KLF13: variants seen among roughly 807,000 people sequenced by gnomAD.
KLF13 encodes the protein KLF transcription factor 13.
A neutral mutation model predicts 16.7 loss-of-function variants in KLF13; 8 were observed. That is an observed-to-expected ratio of 0.48 (90% CI 0.28 to 0.87). KLF13 has a LOEUF of 0.87. KLF13 is among the 40% of genes least tolerant of loss of function. KLF13 has a pLI of 0.10. For synonymous variants in KLF13, 245 were observed against 208.4 expected (o/e 1.18, Z -1.51); for missense variants, 447 against 452.2 (o/e 0.99, Z 0.10).
At chr15:31,387,606 C>G (rs1201139600) in intron 1 of KLF13, among the ~76,000 whole-genome samples, 1 of 152,184 alleles carries the variant, frequency 6.6e-6, no homozygotes, top group Non-Finnish European at 1.5e-5. Context: ...TCTTTGAGGT[C>G]TGCCTGTACG....
Position 31,327,477 on chromosome 15 carries a change from GC to G in KLF13, c.268del (p.Arg90GlyfsTer99). 1 of 1,205,302 alleles carries G rather than the reference GC, an allele frequency of 8.3e-7. No homozygotes were observed. Among genetic ancestry groups the G allele is most frequent in the South Asian group, 3.2e-5 (1 of 31,216 alleles). 74.7% of individuals were successfully genotyped at this position (1,205,302 alleles called of 1,614,324 possible). Reference protein sequence around the residue: ...APAERREGAAARKARTPCRLP... With the variant: ...APAERREGAAXRKARTPCRLP... ...GGCGGAGCGCAGGGAGGGCGCCGCG[GC>G]CCGGAAGGCGAGGACCCCCTGCCGC... On this transcript the variant is annotated frameshift_variant, in exon 1 of 2. Transcript: ENST00000307145. LOFTEE classifies it high-confidence loss of function.
chr15:31,419,395 C>G (rs760802393), intron 1 of KLF13, among the ~76,000 whole-genome samples: 3 of 152,006 alleles, frequency 2.0e-5, no homozygotes. Flanking sequence ...TACAAGAGTA[C>G]ACAGATAGAC....
At chr15:31,384,514 T>C (rs893837638) in intron 1 of KLF13, among the ~76,000 whole-genome samples, 2 of 152,226 alleles carry the variant, frequency 1.3e-5, no homozygotes, top group Non-Finnish European at 2.9e-5. Flanking sequence ...TTTTATTTAC[T>C]TATTTTTGTA....
intron 2 of KLF13, among the ~76,000 whole-genome samples, chr15:31,398,031 G>A (rs917668082): frequency 1.3e-5 from 2 of 152,146 alleles, no homozygotes; most frequent in Admixed American, 1.3e-4. Flanking sequence ...TACGCAGTCC[G>A]GGGCCAGTAA....
chr15:31,355,848 C>A (rs1334811891), intron 1 of KLF13, among the ~76,000 whole-genome samples: 1 of 151,934 alleles, frequency 6.6e-6, no homozygotes, highest in African/African-American at 2.4e-5. Flanking sequence ...CATTTGTCCC[C>A]ACACACCCAG....
downstream of KLF13, among the ~76,000 whole-genome samples, chr15:31,381,710 A>C (rs1369599890): frequency 6.6e-6 from 1 of 152,258 alleles, no homozygotes; most frequent in Non-Finnish European, 1.5e-5. Context: ...AGTTGAATTA[A>C]ACTGGACTGA....
downstream of KLF13, among the ~76,000 whole-genome samples, chr15:31,379,046 G>A (rs1383756620): frequency 6.6e-6 from 1 of 152,154 alleles, no homozygotes; most frequent in Non-Finnish European, 1.5e-5. Context: ...TAGGGTAAAT[G>A]AAAACCACCA....
chr15:31,405,406 G>A (rs1003110536), downstream of KLF13, among the ~76,000 whole-genome samples: 24 of 152,196 alleles, frequency 1.6e-4, 1 homozygote, highest in East Asian at 5.8e-4. Context: ...TGCGGTCTAC[G>A]AACCAGGAAG....
At chr15:31,401,329 C>T (rs1317929602) in intron 2 of KLF13, among the ~76,000 whole-genome samples, 2 of 152,226 alleles carry the variant, frequency 1.3e-5, no homozygotes, top group African/African-American at 2.4e-5. Context: ...TGCAAAGTTA[C>T]GCTCTTTTCA....
intron 1 of KLF13, among the ~76,000 whole-genome samples, chr15:31,386,198 TAAAG>T (rs1021303551): frequency 2.6e-5 from 4 of 152,288 alleles, no homozygotes; most frequent in Admixed American, 6.5e-5. Flanking sequence ...TCATGAGGTT[TAAAG>T]AAAGAAAGTA....
chr15:31,410,582 AACACACAC>A (rs71110871), intron 1 of KLF13, among the ~76,000 whole-genome samples: 8,750 of 146,824 alleles, frequency 0.06, 282 homozygotes, highest in Middle Eastern at 0.075. Flanking sequence ...AACACCAACC[AACACACAC>A]ACACACACAC....
At chr15:31,356,572 C>A (rs1360028269) in intron 1 of KLF13, among the ~76,000 whole-genome samples, 1 of 152,192 alleles carries the variant, frequency 6.6e-6, no homozygotes. Context: ...TGAGAACATG[C>A]AGTGTTTGGT....
At chr15:31,402,865 A>G (rs1023523097) in intron 2 of KLF13, among the ~76,000 whole-genome samples, 5 of 96,750 alleles carry the variant, frequency 5.2e-5, no homozygotes, top group African/African-American at 1.5e-4. Context: ...AATGTGGGGA[A>G]AAAAAAAACA....
intron 1 of KLF13, among the ~76,000 whole-genome samples, chr15:31,365,383 A>G (rs1163415639): frequency 6.6e-6 from 1 of 152,014 alleles, no homozygotes; most frequent in Non-Finnish European, 1.5e-5. Context: ...TAGGAGTTGC[A>G]TTTCTTCCCT....
chr15:31,359,242 G>A (rs1423688380), intron 1 of KLF13, among the ~76,000 whole-genome samples: 1 of 152,216 alleles, frequency 6.6e-6, no homozygotes, highest in Non-Finnish European at 1.5e-5. Flanking sequence ...CTTGTCTCAG[G>A]TGGCTTCTGG....
chr15:31,395,889 C>T (rs932014375), intron 2 of KLF13, among the ~76,000 whole-genome samples: 2 of 152,202 alleles, frequency 1.3e-5, no homozygotes, highest in Non-Finnish European at 2.9e-5. Flanking sequence ...GCTGAGATTC[C>T]GGCCCAAGAA....
At chr15:31,409,214 G>A (rs2040163144), downstream of KLF13, among the ~76,000 whole-genome samples, 1 of 152,086 alleles carries the variant, frequency 6.6e-6, no homozygotes, top group Admixed American at 6.6e-5. Context: ...GAACCCAGGA[G>A]GCGGAGTTCA....
intron 1 of KLF13, among the ~76,000 whole-genome samples, chr15:31,359,060 G>T (rs1386934161): frequency 2.6e-5 from 4 of 152,226 alleles, no homozygotes; most frequent in Non-Finnish European, 4.4e-5. Flanking sequence ...TTTGGGTTCA[G>T]CTCTCATGAG....
At chr15:31,345,634 C>T (rs755282) in intron 1 of KLF13, among the ~76,000 whole-genome samples, 66,289 of 152,060 alleles carry the variant, frequency 0.44, 15,185 homozygotes, top group Non-Finnish European at 0.52. Flanking sequence ...CCCCCATCCC[C>T]CTCACCAGGG....
Sources: gnomAD v4.1 joint callset for allele counts (sites outside exome capture counted in the v4.1 genomes callset) on GRCh38, gnomAD v4.1.1 for gene constraint, MANE v1.5 for transcripts, NCBI Gene and HGNC (gene_info 2026-07-23, HGNC 2026-07-21) for gene names.